Variants in RIPK1 observed in about 807,000 individuals in gnomAD.
RIPK1 encodes receptor interacting serine/threonine kinase 1, also known as receptor-interacting serine/threonine-protein kinase 1.
In RIPK1, 27 loss-of-function variants were observed where a neutral mutation model predicts 62.4. The ratio of observed to expected loss-of-function variants is 0.43; its 90% CI spans 0.32 to 0.60. The LOEUF (loss-of-function observed/expected upper bound fraction) is 0.60. RIPK1 is among the 20% of genes least tolerant of loss of function. RIPK1 has a pLI of 0.07. For synonymous variants in RIPK1, 287 were observed against 303.2 expected, an observed-to-expected ratio of 0.95 and a Z score of 0.55; for missense variants, 735 against 831.0, an observed-to-expected ratio of 0.88 and a Z score of 1.42.
intron 3 of RIPK1, among the ~76,000 whole-genome samples, chr6:3,079,582 A>G (rs185288104): frequency 1.2e-4 from 19 of 152,380 alleles, no homozygotes; most frequent in Non-Finnish European, 2.9e-5. Flanking sequence ...GGGTTTGGCT[A>G]GAGCATAGAT....
intron 6 of RIPK1, 108 bp downstream of exon 6, chr6:3,085,516 GA>G (rs1759642290): frequency 8.5e-7 from 1 of 1,176,076 alleles, no homozygotes; most frequent in Non-Finnish European, 1.2e-6. Context: ...AGTTCGACTT[GA>G]CTTGTGGTTT....
intron 7 of RIPK1, among the ~76,000 whole-genome samples, chr6:3,095,536 G>A (rs1349020512): frequency 6.6e-6 from 1 of 152,180 alleles, no homozygotes; most frequent in East Asian, 1.9e-4. Flanking sequence ...CAGTATAGAT[G>A]CAAAAGTTCT....
In RIPK1 at chr6:3,113,149, A is replaced by G. The variant is rs368981092; in HGVS notation, c.1826A>G (p.Gln609Arg). ...KNCARKLGFT[Q>R]SQIDEIDHDY... Reference sequence around the variant, plus strand: ...TGTGCCCGTAAACTGGGCTTCACACAGTCTCAGATTGATGAAATTGACCAT... The same window carrying G: ...TGTGCCCGTAAACTGGGCTTCACACGGTCTCAGATTGATGAAATTGACCAT... Residue 609 changes from glutamine to arginine, a missense_variant, in exon 11 of 11, where the codon CAG (glutamine) becomes CGG (arginine). This residue lies in a region of RIPK1 where 64 missense variants were observed against 104.8 expected (regional missense o/e 0.61). Coordinates refer to ENST00000259808, the MANE Select transcript of RIPK1 (RefSeq NM_001354930.2). The surrounding 1 kb of genome is among the most constrained non-coding windows in gnomAD (Gnocchi z 5.0). 6.2e-7 allele frequency: 1 copy of G among 1,613,426 alleles called. No individual in the cohort carries two copies. Among genetic ancestry groups the G allele is most frequent in the Non-Finnish European group, 8.5e-7 (1 of 1,179,598 alleles).
intron 4 of RIPK1, among the ~76,000 whole-genome samples, chr6:3,082,227 A>G (rs1759428445): frequency 1.3e-5 from 2 of 152,206 alleles, no homozygotes; most frequent in Admixed American, 6.5e-5. Flanking sequence ...TTCTGCGTCT[A>G]GCGCTTTGTC....
chr6:3,085,448 G>T (rs1223724795), intron 6 of RIPK1, 40 bp downstream of exon 6: 1 of 1,600,648 alleles, frequency 6.2e-7, no homozygotes, highest in Admixed American at 1.7e-5. Context: ...TGCATCCTGT[G>T]TGGTGATTTT....
rs758116719 is a variant in RIPK1, at chr6:3,089,666, T to C, written c.915+9T>C. The C allele has an allele frequency of 3.5e-6, 5 of 1,448,274 alleles. No homozygotes were observed. Among genetic ancestry groups the C allele is most frequent in the Non-Finnish European group, 4.8e-6 (5 of 1,044,788 alleles). 89.7% of individuals were successfully genotyped at this position (1,448,274 alleles called of 1,614,324 possible). ...ACGTGAAGAGTTTAAAGGTAGGCAA[T>C]ATAGCAGATGCTCAAAATATTAACA... On this transcript the variant is annotated intron_variant, in intron 7 of 10. Coordinates refer to ENST00000259808, the MANE Select transcript of RIPK1 (RefSeq NM_001354930.2).
At chr6:3,104,511 C>T (rs967399747) in intron 8 of RIPK1, among the ~76,000 whole-genome samples, 196 bp downstream of exon 8, 1 of 152,058 alleles carries the variant, frequency 6.6e-6, no homozygotes, top group Non-Finnish European at 1.5e-5. Flanking sequence ...GTGTGCTCAC[C>T]AGTCATAGAG....
intron 4 of RIPK1, 34 bp from the exon 5 acceptor site, chr6:3,083,051 C>T: frequency 6.2e-7 from 1 of 1,603,634 alleles, no homozygotes; most frequent in Non-Finnish European, 8.5e-7. Flanking sequence ...ACGGCCTTCA[C>T]CAAACAATCC....
chr6:3,070,634 C>T (rs1301130421), intron 1 of RIPK1, among the ~76,000 whole-genome samples: 1 of 151,658 alleles, frequency 6.6e-6, no homozygotes, highest in Admixed American at 6.6e-5. Context: ...GACAGGGCTT[C>T]ACCACGTTGG....
chr6:3,112,690 C>T (rs1448063891), intron 10 of RIPK1, among the ~76,000 whole-genome samples: 1 of 152,158 alleles, frequency 6.6e-6, no homozygotes, highest in Non-Finnish European at 1.5e-5. Context: ...GCCACCATAC[C>T]CAGCTAATTA....
Position 3,105,979 on chromosome 6 carries a change from A to C in RIPK1, c.1504A>C (p.Asn502His). 6.2e-7 allele frequency: 1 copy of C among 1,614,132 alleles called. No homozygotes were observed. Among genetic ancestry groups the C allele is most frequent in the Non-Finnish European group, 8.5e-7 (1 of 1,179,968 alleles). The change falls in exon 9 of 11, where the codon AAT becomes CAT. Residue 502 changes from asparagine (N) to histidine (H), a missense_variant. By Grantham distance (68) the Asn-to-His change is moderately conservative. Around this residue, in one of 2 missense-constraint regions of RIPK1, gnomAD observed 671 missense variants for 726.2 expected, o/e 0.92. Coordinates refer to ENST00000259808, the MANE Select transcript of RIPK1 (RefSeq NM_001354930.2). The surrounding 1 kb of genome is among the most constrained non-coding windows in gnomAD (Gnocchi z 4.5). ...TCCAAGTCATATGCCTAGTCTGCAT[A>C]ATATCCCAGTGCCTGAGACCAACTA... is the stretch of plus-strand genomic sequence containing the variant. Reference protein sequence around the residue: ...PIPSHMPSLHNIPVPETNYLG... With the variant: ...PIPSHMPSLHHIPVPETNYLG...
chr6:3,071,037 TA>T (rs1758685398), intron 1 of RIPK1, among the ~76,000 whole-genome samples: 1 of 152,264 alleles, frequency 6.6e-6, no homozygotes, highest in South Asian at 2.1e-4. Context: ...GATGCTTGTT[TA>T]AACTCTGTTT....
chr6:3,094,047 C>CGT (rs1760130695), intron 7 of RIPK1, among the ~76,000 whole-genome samples: 1 of 114,190 alleles, frequency 8.8e-6, no homozygotes, highest in African/African-American at 5.9e-5. Flanking sequence ...GTAACTGCAG[C>CGT]GCGCCTACCT....
rs760180437 is a variant in RIPK1 at position 3,077,811 on chromosome 6, T to C, written c.197T>C (p.Met66Thr). The C allele has an allele frequency of 6.2e-7, 1 of 1,614,180 alleles. No homozygotes were observed. The highest frequency in any genetic ancestry group is 1.7e-5 in the Admixed American group (1 of 60,022). Residue 66 changes from methionine to threonine, a missense_variant, in exon 3 of 11, where the codon ATG becomes ACG. Physicochemically the swap from Met to Thr is moderately conservative, Grantham distance 81 (BLOSUM62 -1). Coordinates refer to ENST00000259808, the MANE Select transcript of RIPK1 (RefSeq NM_001354930.2). Reference sequence around the variant, plus strand: ...GAGGCCCTCTTGGAGGAGGCGAAGATGATGAACAGACTGAGACACAGCCGG... The same window carrying C: ...GAGGCCCTCTTGGAGGAGGCGAAGACGATGAACAGACTGAGACACAGCCGG... ...HNEALLEEAK[M>T]MNRLRHSRVV...
At chr6:3,067,853 C>T (rs1758453880), upstream of RIPK1, among the ~76,000 whole-genome samples, 1 of 152,046 alleles carries the variant, frequency 6.6e-6, no homozygotes, top group Non-Finnish European at 1.5e-5. Context: ...AGGGATTCTC[C>T]TGCCTCAGCC....
upstream of RIPK1, among the ~76,000 whole-genome samples, chr6:3,065,264 CAAAAAAAA>C (rs57722248): frequency 1.2e-4 from 5 of 40,634 alleles, no homozygotes; most frequent in African/African-American, 5.6e-4. Flanking sequence ...GACTCCGTCT[CAAAAAAAA>C]AAAAAAAAAA....
intron 6 of RIPK1, among the ~76,000 whole-genome samples, chr6:3,086,622 G>A: frequency 6.6e-6 from 1 of 152,226 alleles, no homozygotes; most frequent in African/African-American, 2.4e-5. Flanking sequence ...CCAAATGGAA[G>A]AGATGTACAA....
intron 4 of RIPK1, among the ~76,000 whole-genome samples, chr6:3,082,300 G>A (rs1334246350): frequency 6.6e-6 from 1 of 152,202 alleles, no homozygotes. Flanking sequence ...TCAAATTCAT[G>A]ACTTCCCTCT....
At chr6:3,074,152 A>G (rs767419078) in intron 1 of RIPK1, among the ~76,000 whole-genome samples, 7 of 152,156 alleles carry the variant, frequency 4.6e-5, no homozygotes, top group Non-Finnish European at 8.8e-5. Context: ...TTGATATCCT[A>G]CAACATTATC....
Sources: gnomAD v4.1 joint callset for allele counts (sites outside exome capture counted in the v4.1 genomes callset) on GRCh38, gnomAD v4.1.1 for gene constraint, gnomAD v4.1.1 regional missense constraint, Gnocchi (gnomAD v3.1) non-coding constraint, MANE v1.5 for transcripts, NCBI Gene and HGNC (gene_info 2026-07-23, HGNC 2026-07-21) for gene names.